The following ZNF546 variants were observed in gnomAD, a reference collection of about 807,000 sequenced individuals.
ZNF546 encodes CTC-471F3.6.
In ZNF546, 60 loss-of-function variants were observed where a neutral mutation model predicts 76.2. That is an observed-to-expected ratio of 0.79 (90% CI 0.64 to 0.98). The LOEUF is 0.98. Ranked by LOEUF, ZNF546 falls within the 50% of genes least tolerant of loss-of-function variation. The pLI, the probability that ZNF546 is intolerant of heterozygous loss-of-function variation, is 0.00. For synonymous variants in ZNF546, 277 were observed against 328.1 expected (o/e 0.84, Z 1.68); for missense variants, 936 against 1,035.6 (o/e 0.90, Z 1.32).
intron 6 of ZNF546, among the ~76,000 whole-genome samples, chr19:40,011,539 T>C (rs571565625): frequency 6.6e-6 from 1 of 152,332 alleles, no homozygotes; most frequent in South Asian, 2.1e-4. Flanking sequence ...AGAAATTTTA[T>C]GGTTTTAGAT....
At chr19:40,013,560 T>G (rs933488487) in intron 6 of ZNF546, 105 bp from the exon 7 acceptor site, 16 of 954,170 alleles carry the variant, frequency 1.7e-5, no homozygotes, top group Non-Finnish European at 2.4e-5. Context: ...TCTGTTTATC[T>G]TTTATTTCTA....
chr19:39,998,441 T>G, intron 3 of ZNF546, 31 bp downstream of exon 3: 1 of 1,575,436 alleles, frequency 6.3e-7, no homozygotes, highest in Non-Finnish European at 8.7e-7. Context: ...GAGTCTAAAG[T>G]TAAAACTTTG....
chr19:40,001,455 C>G (rs1308050282), intron 3 of ZNF546, among the ~76,000 whole-genome samples: 1 of 151,812 alleles, frequency 6.6e-6, no homozygotes, highest in Non-Finnish European at 1.5e-5. Flanking sequence ...CTCTGCCTCC[C>G]AGGTTCAAGT....
In ZNF546 at chr19:40,006,118, G is replaced by A; in HGVS notation, c.107G>A (p.Cys36Tyr). Residue 36 changes from cysteine to tyrosine, a missense_variant, in exon 4 of 7, where the codon TGC becomes TAC. Coordinates refer to ENST00000347077, the MANE Select transcript of ZNF546 (RefSeq NM_178544.5). ...CAGCCCCGGTTTCTCTGGATTCTGT[G>A]CTTCTCCATGGAGGAAACTCAAGGA... ...SIMPRFLWILCFSMEETQGEL... is the reference protein window; with the variant it reads ...SIMPRFLWILYFSMEETQGEL... The A allele has an allele frequency of 6.2e-7, 1 of 1,613,980 alleles. No individual in the cohort carries two copies. The highest frequency in any genetic ancestry group is 2.2e-5 in the East Asian group (1 of 44,870).
intron 6 of ZNF546, among the ~76,000 whole-genome samples, chr19:40,009,670 T>C (rs1178068502): frequency 6.6e-6 from 1 of 152,162 alleles, no homozygotes; most frequent in Non-Finnish European, 1.5e-5. Context: ...ACTGCCCAGG[T>C]AAGCACTGAT....
chr19:40,002,208 A>G (rs183504), intron 3 of ZNF546, among the ~76,000 whole-genome samples: 16,038 of 152,284 alleles, frequency 0.11, 1,765 homozygotes, highest in African/African-American at 0.27. Context: ...TTAGTGTGCC[A>G]TCATAACTGA....
chr19:40,000,660 A>G (rs998154693), intron 3 of ZNF546, among the ~76,000 whole-genome samples: 1 of 151,864 alleles, frequency 6.6e-6, no homozygotes, highest in African/African-American at 2.4e-5. Context: ...ACAGAATAAG[A>G]TAGTAACAGC....
rs1037548218 is a variant in ZNF546 at position 40,014,848 on chromosome 19, A to G, written c.1578A>G (p.Ile526Met). ...YRIHTGEKPYICNECGKAFRL... is the reference protein window; with the variant it reads ...YRIHTGEKPYMCNECGKAFRL... ...TTCATACTGGTGAGAAACCCTACATATGTAACGAATGTGGAAAAGCCTTTC... is the reference window on the plus strand; with the variant it reads ...TTCATACTGGTGAGAAACCCTACATGTGTAACGAATGTGGAAAAGCCTTTC... Residue 526 changes from isoleucine to methionine, a missense_variant, in exon 7 of 7, where the codon ATA (isoleucine) becomes ATG (methionine). Physicochemically the swap from Ile to Met is conservative, Grantham distance 10 (BLOSUM62 1). Transcript: ENST00000347077. The G allele has an allele frequency of 9.9e-6, 16 of 1,613,762 alleles. No homozygotes were observed. Among genetic ancestry groups the G allele is most frequent in the African/African-American group, 1.3e-5 (1 of 74,868 alleles).
chr19:39,999,580 ATTT>A (rs748100892), intron 3 of ZNF546: 2 of 143,842 alleles, frequency 1.4e-5, no homozygotes, highest in Admixed American at 7.0e-5. Context: ...TTTTAGCAAG[ATTT>A]TTTTTTTTTT....
chr19:40,009,229 A>G (rs1216779210), intron 6 of ZNF546, among the ~76,000 whole-genome samples: 1 of 152,216 alleles, frequency 6.6e-6, no homozygotes, highest in East Asian at 1.9e-4. Flanking sequence ...ACAAGCAGAA[A>G]AAGCTGCAAG....
rs1322926395 is a variant in ZNF546, at chr19:40,020,119, G to T, written c.*4338G>T. On this transcript the variant is annotated 3_prime_UTR_variant, in exon 7 of 7. Coordinates refer to ENST00000347077, the MANE Select transcript of ZNF546 (RefSeq NM_178544.5). ...TATATAGATTTAATGGCATGTAGGG[G>T]TTTGCGTGAATATATACAGTTGAAA... 8 of 152,112 alleles carry T rather than the reference G, an allele frequency of 5.3e-5. No individual in the cohort carries two copies. The East Asian group carries it at 1.3e-3, about 26-fold the overall frequency. 9.4% of individuals were successfully genotyped at this position (152,112 alleles called of 1,614,324 possible).
In ZNF546 at chr19:40,014,952, C is replaced by T. The variant is rs779033639; in HGVS notation, c.1682C>T (p.Ala561Val). 1.4e-5 allele frequency: 22 copies of T among 1,614,112 alleles called. No individual in the cohort carries two copies. The highest frequency in any genetic ancestry group is 1.6e-4 in the Middle Eastern group (1 of 6,062). Residue 561 changes from alanine (A) to valine (V), a missense_variant, in exon 7 of 7, where the codon GCT becomes GTT. Ala to Val is a moderately conservative substitution (Grantham distance 64). Transcript: ENST00000347077. ...TATGAATGTAAGGAATGTGGGAAGG[C>T]TTTTATTCATAGCAATCAATTTATT... ...KPYECKECGKAFIHSNQFISH... is the reference protein window; with the variant it reads ...KPYECKECGKVFIHSNQFISH...
chr19:40,003,613 G>A (rs544606043), intron 3 of ZNF546, among the ~76,000 whole-genome samples: 1 of 152,256 alleles, frequency 6.6e-6, no homozygotes, highest in Admixed American at 6.5e-5. Context: ...GCATTCATAT[G>A]TATAAGACAT....
At chr19:40,008,602 C>A in intron 6 of ZNF546, 37 bp downstream of exon 6, 1 of 1,536,554 alleles carries the variant, frequency 6.5e-7, no homozygotes, top group East Asian at 2.3e-5. Flanking sequence ...GGTGCTATCA[C>A]AAGTTATGAC....
At chr19:40,006,311 G>A (rs530034477) in intron 4 of ZNF546, 129 bp downstream of exon 4, 62,737 of 758,534 alleles carry the variant, frequency 0.083, 7,509 homozygotes, top group African/African-American at 0.45. Context: ...TTACTCCCTA[G>A]TTACAGTGAA....
At chr19:40,002,291 A>G (rs1162991539) in intron 3 of ZNF546, among the ~76,000 whole-genome samples, 1 of 152,242 alleles carries the variant, frequency 6.6e-6, no homozygotes, top group Non-Finnish European at 1.5e-5. Flanking sequence ...AAGTTGTTAT[A>G]TGATAAATGT....
chr19:40,006,119 C>T lies in ZNF546; in HGVS notation c.108C>T (p.Cys36=). The T allele has an allele frequency of 6.2e-7, 1 of 1,614,034 alleles. No homozygotes were observed. Among genetic ancestry groups the T allele is most frequent in the Non-Finnish European group, 8.5e-7 (1 of 1,179,964 alleles). ...AGCCCCGGTTTCTCTGGATTCTGTG[C>T]TTCTCCATGGAGGAAACTCAAGGAG... ...SIMPRFLWIL[C]FSMEETQGEL... The change falls in exon 4 of 7, where the codon TGC becomes TGT. Residue 36 remains cysteine (C), a synonymous_variant. Coordinates refer to ENST00000347077, the MANE Select transcript of ZNF546 (RefSeq NM_178544.5).
intron 4 of ZNF546, among the ~76,000 whole-genome samples, chr19:40,006,891 T>G (rs1037537168): frequency 2.6e-5 from 4 of 152,066 alleles, no homozygotes; most frequent in African/African-American, 9.7e-5. Flanking sequence ...TGAACCAGAG[T>G]TTTAACGAAA....
chr19:39,998,155 AAG>A lies in ZNF546; in HGVS notation c.-79-91_-79-90del, dbSNP rs1599736127. The A allele has an allele frequency of 2.8e-5, 16 of 580,056 alleles. No homozygotes were observed. The East Asian group carries it at 4.5e-4, about 16-fold the overall frequency. 35.9% of individuals were successfully genotyped at this position (580,056 alleles called of 1,614,324 possible). A position where few individuals can be genotyped will look rare whatever the true frequency, so the allele number is the denominator to read the frequency against. On this transcript the variant is annotated intron_variant, in intron 2 of 6. Transcript: ENST00000347077. ...AGAAGTTCATTTGATTCAATCTAAA[AAG>A]ACTAAATTATTTGTCACATAAATTG...
Sources: allele counts gnomAD v4.1 joint callset (sites outside exome capture counted in the v4.1 genomes callset), GRCh38; gene constraint gnomAD v4.1.1; transcripts MANE v1.5; gene names NCBI Gene and HGNC (gene_info 2026-07-23, HGNC 2026-07-21).